Variants in KCNIP4 observed in about 807,000 individuals in gnomAD.
KCNIP4 encodes the protein Kv channel-interacting protein 4.
A neutral mutation model predicts 34.0 loss-of-function variants in KCNIP4; 12 were observed. The ratio of observed to expected loss-of-function variants is 0.35; its 90% CI spans 0.23 to 0.57. The LOEUF (loss-of-function observed/expected upper bound fraction) is 0.57. Ranked by LOEUF, KCNIP4 falls within the 20% of genes least tolerant of loss-of-function variation. KCNIP4 has a pLI of 0.83. For missense variants in KCNIP4, 238 were observed against 311.7 expected (o/e 0.76, Z 1.78); for synonymous variants, 124 against 102.2 (o/e 1.21, Z -1.29).
At chr4:21,931,997 T>C (rs1054941706) in intron 1 of KCNIP4, among the ~76,000 whole-genome samples, 1 of 152,196 alleles carries the variant, frequency 6.6e-6, no homozygotes, top group East Asian at 1.9e-4. Context: ...TGTAGTTGGG[T>C]AGGCCAATAC....
intron 1 of KCNIP4, among the ~76,000 whole-genome samples, chr4:20,947,758 T>C (rs1215205046): frequency 6.6e-6 from 1 of 152,236 alleles, no homozygotes; most frequent in Non-Finnish European, 1.5e-5. Flanking sequence ...TGTTAATATG[T>C]ACTGAACACT....
intron 1 of KCNIP4, among the ~76,000 whole-genome samples, chr4:21,579,707 A>C (rs1045071053): frequency 3.9e-5 from 6 of 152,198 alleles, no homozygotes; most frequent in African/African-American, 1.4e-4. Context: ...ATGTTCTCAG[A>C]GTAAATGGAT....
intron 1 of KCNIP4, among the ~76,000 whole-genome samples, chr4:21,814,065 T>C (rs1234997721): frequency 6.6e-6 from 1 of 152,296 alleles, no homozygotes; most frequent in East Asian, 1.9e-4. Context: ...TTTTTAATCA[T>C]TATTTTACAG....
chr4:21,628,337 A>G (rs1363035648), intron 1 of KCNIP4, among the ~76,000 whole-genome samples: 1 of 152,134 alleles, frequency 6.6e-6, no homozygotes, highest in African/African-American at 2.4e-5. Context: ...CCGAGTTGCA[A>G]TCTTCATTTT....
chr4:21,034,464 G>A (rs1741280410), intron 1 of KCNIP4, among the ~76,000 whole-genome samples: 1 of 152,148 alleles, frequency 6.6e-6, no homozygotes, highest in Non-Finnish European at 1.5e-5. Flanking sequence ...GAATATGATT[G>A]GAATGGTCTT....
intron 1 of KCNIP4, among the ~76,000 whole-genome samples, chr4:21,601,167 C>T (rs1346011896): frequency 6.6e-6 from 1 of 151,900 alleles, no homozygotes; most frequent in Non-Finnish European, 1.5e-5. Flanking sequence ...CCTCTCAATT[C>T]CTTCTTCACA....
intron 1 of KCNIP4, among the ~76,000 whole-genome samples, chr4:20,980,540 C>T (rs1735965865): frequency 6.6e-6 from 1 of 152,124 alleles, no homozygotes; most frequent in Non-Finnish European, 1.5e-5. Context: ...TCTCTTAACC[C>T]TTTTCTATCT....
rs541188029 is a variant in KCNIP4, at chr4:21,853,880, T to A, written c.61+94691A>T. Among the ~76,000 whole-genome samples, 3 of 152,336 alleles carry A rather than the reference T, an allele frequency of 2.0e-5. No homozygotes were observed. The South Asian group carries it at 6.2e-4, about 32-fold the overall frequency. ...TTATTCATCTGTCAAATAAAGAGTT[T>A]GGGGTCATGTGCCATCCATGGTCCT... On this transcript the variant is annotated intron_variant, in intron 1 of 8. Coordinates refer to ENST00000382152, the MANE Select transcript of KCNIP4 (RefSeq NM_025221.6).
intron 1 of KCNIP4, among the ~76,000 whole-genome samples, chr4:21,674,587 C>T (rs1458751898): frequency 1.3e-5 from 2 of 152,180 alleles, no homozygotes; most frequent in Non-Finnish European, 2.9e-5. Flanking sequence ...TGTAACCTCT[C>T]TCATTGTGCC....
At chr4:21,929,723 T>C (rs1379689302) in intron 1 of KCNIP4, among the ~76,000 whole-genome samples, 2 of 152,156 alleles carry the variant, frequency 1.3e-5, no homozygotes, top group African/African-American at 4.8e-5. Context: ...CTTAATCTCC[T>C]TACTCATATC....
chr4:21,192,215 T>C (rs1755701403), intron 1 of KCNIP4, among the ~76,000 whole-genome samples: 1 of 152,220 alleles, frequency 6.6e-6, no homozygotes, highest in Non-Finnish European at 1.5e-5. Flanking sequence ...AGTTACTCTA[T>C]TGCTTTAATT....
At chr4:21,881,416 T>C (rs972184969) in intron 1 of KCNIP4, among the ~76,000 whole-genome samples, 3 of 152,116 alleles carry the variant, frequency 2.0e-5, no homozygotes, top group Non-Finnish European at 2.9e-5. Flanking sequence ...GATAAAATAG[T>C]AAATATTATT....
At chr4:21,652,722 G>C (rs1381987937) in intron 1 of KCNIP4, among the ~76,000 whole-genome samples, 1 of 152,140 alleles carries the variant, frequency 6.6e-6, no homozygotes, top group East Asian at 1.9e-4. Context: ...AGCATCGGAG[G>C]CCAAAAGATC....
chr4:21,678,305 A>T (rs1487149741), intron 1 of KCNIP4, among the ~76,000 whole-genome samples: 32 of 117,572 alleles, frequency 2.7e-4, no homozygotes, highest in Admixed American at 7.7e-4. Context: ...TCTTCTTTTG[A>T]TTTTTTTTTT....
chr4:20,890,437 G>A (rs1306867841), intron 1 of KCNIP4, among the ~76,000 whole-genome samples: 1 of 152,152 alleles, frequency 6.6e-6, no homozygotes, highest in Non-Finnish European at 1.5e-5. Flanking sequence ...ATCTACATAA[G>A]ATGAAAAGGT....
intron 1 of KCNIP4, among the ~76,000 whole-genome samples, chr4:20,991,084 C>T (rs1737040730): frequency 6.6e-6 from 1 of 152,176 alleles, no homozygotes; most frequent in Admixed American, 6.5e-5. Context: ...CCCAAAACTA[C>T]AGTGTTAGCA....
intron 1 of KCNIP4, among the ~76,000 whole-genome samples, chr4:20,948,262 T>C (rs1732402881): frequency 6.6e-6 from 1 of 152,202 alleles, no homozygotes; most frequent in South Asian, 2.1e-4. Flanking sequence ...AATATAATAT[T>C]GGATGCCTGA....
rs182839756 is a variant in KCNIP4, at chr4:20,740,541, G to A, written c.430-5806C>T. Among the ~76,000 whole-genome samples the A allele has an allele frequency of 3.6e-3, 544 of 152,046 alleles. 11 individuals are homozygous for A. Among genetic ancestry groups the A allele is most frequent in the East Asian group, 1.2e-3 (6 of 5,168 alleles). The stretch of plus-strand genomic sequence containing the variant: ...GCAAATGCTGAGAGATTTTGTCACC[G>A]CCAGGCCTGCCTTACAAGAGCTTCT... On this transcript the variant is annotated intron_variant, in intron 5 of 8. Coordinates refer to ENST00000382152, the MANE Select transcript of KCNIP4 (RefSeq NM_025221.6).
intron 1 of KCNIP4, among the ~76,000 whole-genome samples, chr4:21,389,946 C>T (rs1430450403): frequency 2.0e-5 from 3 of 149,656 alleles, no homozygotes; most frequent in Non-Finnish European, 4.5e-5. Context: ...TATTTCTCCA[C>T]ATCCTCTCCA....
Sources: gnomAD v4.1 joint callset for allele counts (sites outside exome capture counted in the v4.1 genomes callset) on GRCh38, gnomAD v4.1.1 for gene constraint, MANE v1.5 for transcripts, NCBI Gene and HGNC (gene_info 2026-07-23, HGNC 2026-07-21) for gene names.